BAHCC1: variants seen among roughly 807,000 people sequenced by gnomAD.
BAHCC1 encodes BAH and coiled-coil domain-containing protein 1.
In BAHCC1, 43 loss-of-function variants were observed where a neutral mutation model predicts 88.2. That is an observed-to-expected ratio of 0.49 (90% CI 0.38 to 0.63). BAHCC1 has a LOEUF of 0.63. BAHCC1 is among the 20% of genes least tolerant of loss of function. The probability of loss-of-function intolerance (pLI) is 0.00; values close to 1 mark genes in which losing one functional copy is unlikely to be tolerated. For synonymous variants in BAHCC1, 1,510 were observed against 745.5 expected, an observed-to-expected ratio of 2.03 and a Z score of -16.71; for missense variants, 3,023 against 1,654.8, an observed-to-expected ratio of 1.83 and a Z score of -14.34.
At chr17:81,444,604 G>A (rs1216868554) in intron 7 of BAHCC1, 36 bp downstream of exon 7, 2 of 748,188 alleles carry the variant, frequency 2.7e-6, no homozygotes, top group Middle Eastern at 2.3e-4. Flanking sequence ...GCCTGGGGCT[G>A]ATGAGGGTTC....
At chr17:81,409,148 C>T (rs561580210) in intron 2 of BAHCC1, among the ~76,000 whole-genome samples, 6 of 152,348 alleles carry the variant, frequency 3.9e-5, no homozygotes, top group Admixed American at 2.6e-4. Context: ...TGGACCATGG[C>T]GTGGGGCCAC....
At chr17:81,431,742 C>G (rs1386275573) in intron 3 of BAHCC1, among the ~76,000 whole-genome samples, 1 of 152,218 alleles carries the variant, frequency 6.6e-6, no homozygotes, top group Non-Finnish European at 1.5e-5. Context: ...GCTGAGGAAA[C>G]TGAGGCTGAG....
chr17:81,451,873 G>T lies in BAHCC1; in HGVS notation c.4179+3G>T. On this transcript the variant is annotated splice_donor_region_variant and intron_variant, in intron 12 of 27. Coordinates refer to ENST00000675386, the MANE Select transcript of BAHCC1 (RefSeq NM_001377448.1). Reference sequence around the variant, plus strand: ...CCTGGACCCCCAAGACCAAGCCTGTGAGTGGAGGTCCCAGTGCCCACGTCG... The same window carrying T: ...CCTGGACCCCCAAGACCAAGCCTGTTAGTGGAGGTCCCAGTGCCCACGTCG... 1.4e-6 allele frequency: 1 copy of T among 730,428 alleles called. No individual in the cohort carries two copies. Among genetic ancestry groups the T allele is most frequent in the Non-Finnish European group, 2.5e-6 (1 of 399,416 alleles). 45.2% of individuals were successfully genotyped at this position (730,428 alleles called of 1,614,324 possible).
chr17:81,460,750 C>T (rs758984643), intron 25 of BAHCC1, 44 bp downstream of exon 25: 1 of 776,604 alleles, frequency 1.3e-6, no homozygotes, highest in Non-Finnish European at 2.4e-6. Flanking sequence ...GGAAGGCACC[C>T]TCTGGGGGCT....
intron 2 of BAHCC1, among the ~76,000 whole-genome samples, chr17:81,424,966 T>TA (rs2064158968): frequency 7.1e-6 from 1 of 141,676 alleles, no homozygotes; most frequent in Non-Finnish European, 1.5e-5. Context: ...GTTGGCATGA[T>TA]GTGGTTGGTG....
rs782151809 is a variant in BAHCC1 at position 81,461,345 on chromosome 17, A to G, written c.6682A>G (p.Met2228Val). Residue 2228 changes from methionine to valine, a missense_variant, in exon 26 of 28, where the codon ATG (methionine) becomes GTG (valine). Transcript: ENST00000675386. ...PKNKTCKALL[M>V]GDKDFSPKLG... ...GAACAAGACCTGCAAGGCGTTGCTCATGGGGGACAAGGACTTCAGCCCCAA... is the reference window on the plus strand; with the variant it reads ...GAACAAGACCTGCAAGGCGTTGCTCGTGGGGGACAAGGACTTCAGCCCCAA... 3 of 732,596 alleles carry G rather than the reference A, an allele frequency of 4.1e-6. No homozygotes were observed. The highest frequency in any genetic ancestry group is 7.6e-6 in the Non-Finnish European group (3 of 397,280). 45.4% of individuals were successfully genotyped at this position (732,596 alleles called of 1,614,324 possible). A position where few individuals can be genotyped will look rare whatever the true frequency, so the allele number is the denominator to read the frequency against.
At chr17:81,443,947 T>A (rs1555653552) in intron 6 of BAHCC1, 30 bp downstream of exon 6, 3 of 704,498 alleles carry the variant, frequency 4.3e-6, no homozygotes, top group East Asian at 2.7e-5. Flanking sequence ...CCCTGGAGAG[T>A]GGGGCTAGGC....
In BAHCC1 at chr17:81,461,213, C is replaced by A; in HGVS notation, c.6550C>A (p.Leu2184Met). 1 of 726,420 alleles carries A rather than the reference C, an allele frequency of 1.4e-6. No homozygotes were observed. Among genetic ancestry groups the A allele is most frequent in the Non-Finnish European group, 2.5e-6 (1 of 395,608 alleles). The allele number at this position is 726,420 out of a possible 1,614,324, so 45.0% of individuals were successfully genotyped here. A position where few individuals can be genotyped will look rare whatever the true frequency, so the allele number is the denominator to read the frequency against. ...CCTCCCCAGGGGAGCCCACAAGCTG[C>A]TGCGGGCTAAGAAGGCCGAGAGGGT... ...PGLPRGAHKL[L>M]RAKKAERVEA... Residue 2184 changes from leucine to methionine, a missense_variant, in exon 26 of 28, where the codon CTG becomes ATG. Coordinates refer to ENST00000675386, the MANE Select transcript of BAHCC1 (RefSeq NM_001377448.1).
At position 81,459,039 on chromosome 17, in the gene BAHCC1, A is replaced by T. The variant is rs782186860; in HGVS notation, c.5606-15A>T. 1 of 743,318 alleles carries T rather than the reference A, an allele frequency of 1.3e-6. No individual in the cohort carries two copies. Among genetic ancestry groups the T allele is most frequent in the Admixed American group, 1.8e-5 (1 of 54,484 alleles). 46.0% of individuals were successfully genotyped at this position (743,318 alleles called of 1,614,324 possible). ...TGGGTAGGCCGTGCCGGCCGCTGAC[A>T]CCTTGTGCCCACAGCGCGCTCGTGT... On this transcript the variant is annotated splice_polypyrimidine_tract_variant and intron_variant, in intron 20 of 27. Transcript: ENST00000675386.
At chr17:81,444,021 C>T in intron 6 of BAHCC1, 104 bp downstream of exon 6, 1 of 665,272 alleles carries the variant, frequency 1.5e-6, no homozygotes, top group Non-Finnish European at 2.7e-6. Flanking sequence ...GCTGGGGCAG[C>T]AGATTCTATG....
At chr17:81,406,516 C>T (rs1385902825) in intron 2 of BAHCC1, among the ~76,000 whole-genome samples, 2 of 152,252 alleles carry the variant, frequency 1.3e-5, no homozygotes, top group Admixed American at 1.3e-4. Flanking sequence ...GAAAATCACC[C>T]GCAGCCCAGG....
Position 81,460,874 on chromosome 17 carries a change from G to C in BAHCC1, c.6211G>C (p.Glu2071Gln), listed in dbSNP as rs782409877. 3 of 766,528 alleles carry C rather than the reference G, an allele frequency of 3.9e-6. No individual in the cohort carries two copies. Among genetic ancestry groups the C allele is most frequent in the Non-Finnish European group, 7.2e-6 (3 of 417,870 alleles). 47.5% of individuals were successfully genotyped at this position (766,528 alleles called of 1,614,324 possible). A position where few individuals can be genotyped will look rare whatever the true frequency, so the allele number is the denominator to read the frequency against. The change falls in exon 26 of 28, where the codon GAA (glutamate) becomes CAA (glutamine). Residue 2071 changes from glutamate to glutamine, a missense_variant. Physicochemically the swap from Glu to Gln is conservative, Grantham distance 29. Coordinates refer to ENST00000675386, the MANE Select transcript of BAHCC1 (RefSeq NM_001377448.1). ...TGGGCTTTTGCCCTCAGGTAAAGCC[G>C]AACTCCTAACCTCAGGTGCCAAATC... is the stretch of plus-strand genomic sequence containing the variant. ...SISKDKAGKA[E>Q]LLTSGAKSPT...
At chr17:81,419,261 C>G (rs1414704796) in intron 2 of BAHCC1, among the ~76,000 whole-genome samples, 2 of 152,222 alleles carry the variant, frequency 1.3e-5, no homozygotes, top group Non-Finnish European at 2.9e-5. Flanking sequence ...GTCTCCCCAC[C>G]CCGTCCCTCA....
chr17:81,458,335 G>A lies in BAHCC1; in HGVS notation c.5212G>A (p.Ala1738Thr). ...AKGSLRAEPG[A>T]TPSRDALFNP... ...GGGCAGCCTGCGGGCAGAGCCGGGG[G>A]CCACCCCCAGCAGGGACGCCCTCTT... is the stretch of plus-strand genomic sequence containing the variant. Residue 1738 changes from alanine (A) to threonine (T), a missense_variant, in exon 18 of 28, where the codon GCC (alanine) becomes ACC (threonine). Transcript: ENST00000675386. 4 of 737,728 alleles carry A rather than the reference G, an allele frequency of 5.4e-6. No homozygotes were observed. Among genetic ancestry groups the A allele is most frequent in the African/African-American group, 3.4e-5 (2 of 58,354 alleles). The allele number at this position is 737,728 out of a possible 1,614,324, so 45.7% of individuals were successfully genotyped here.
chr17:81,462,155 C>G (rs1555659696), intron 26 of BAHCC1, 109 bp downstream of exon 26: 4 of 603,372 alleles, frequency 6.6e-6, no homozygotes, highest in Non-Finnish European at 1.2e-5. Context: ...TACTTGATTT[C>G]AAGTTAAAAA....
chr17:81,400,031 C>A, intron 2 of BAHCC1, 114 bp downstream of exon 2: 2 of 957,994 alleles, frequency 2.1e-6, no homozygotes, highest in South Asian at 4.7e-5. Flanking sequence ...CGGCCCCGGC[C>A]GCGGTGGCTG....
chr17:81,460,992 C>T lies in BAHCC1; in HGVS notation c.6329C>T (p.Ala2110Val). The change falls in exon 26 of 28, where the codon GCA (alanine) becomes GTA (valine). Residue 2110 changes from alanine (A) to valine (V), a missense_variant. Ala to Val is a moderately conservative substitution (Grantham distance 64). Coordinates refer to ENST00000675386, the MANE Select transcript of BAHCC1 (RefSeq NM_001377448.1). ...GCGCAGACCAAGCGGAAGGCGGTGG[C>T]AGCGGCCAGCAAGGGGCCGGGGGTG... ...AVAQTKRKAV[A>V]AASKGPGVLQ... is the part of the protein sequence containing the mutation. 1 of 773,010 alleles carries T rather than the reference C, an allele frequency of 1.3e-6. No individual in the cohort carries two copies. Among genetic ancestry groups the T allele is most frequent in the Non-Finnish European group, 2.4e-6 (1 of 417,144 alleles). The allele number at this position is 773,010 out of a possible 1,614,324, so 47.9% of individuals were successfully genotyped here.
intron 2 of BAHCC1, among the ~76,000 whole-genome samples, chr17:81,416,236 G>A (rs1322707395): frequency 6.6e-6 from 1 of 150,724 alleles, no homozygotes; most frequent in Non-Finnish European, 1.5e-5. Flanking sequence ...ATGAGGGTGG[G>A]TGTATGCGTG....
intron 1 of BAHCC1, among the ~76,000 whole-genome samples, chr17:81,398,840 G>C (rs928205229): frequency 6.6e-6 from 1 of 151,924 alleles, no homozygotes; most frequent in African/African-American, 2.4e-5. Flanking sequence ...AGCTGGTCCC[G>C]CTGGGGCTGG....
Sources: allele counts gnomAD v4.1 joint callset (sites outside exome capture counted in the v4.1 genomes callset), GRCh38; gene constraint gnomAD v4.1.1; transcripts MANE v1.5; gene names NCBI Gene and HGNC (gene_info 2026-07-23, HGNC 2026-07-21).